TMEM202: variants seen among roughly 807,000 people sequenced by gnomAD.
TMEM202 encodes the protein transmembrane protein 202.
Under a neutral mutation model 26.1 loss-of-function variants are expected in TMEM202, and 25 were observed. The ratio of observed to expected loss-of-function variants is 0.96; its 90% CI spans 0.70 to 1.34. The LOEUF (loss-of-function observed/expected upper bound fraction) is 1.34, where lower values mean the gene tolerates loss of function less well. TMEM202 is among the 40% of genes most tolerant of loss of function. The pLI, the probability that TMEM202 is intolerant of heterozygous loss-of-function variation, is 0.00. For missense variants in TMEM202, 301 were observed against 327.7 expected (o/e 0.92, Z 0.63); for synonymous variants, 122 against 119.0 (o/e 1.02, Z -0.16).
chr15:72,399,408 CAGGACTATAGGTGTA>C (rs2063537565), intron 2 of TMEM202, among the ~76,000 whole-genome samples: 1 of 152,118 alleles, frequency 6.6e-6, no homozygotes, highest in Non-Finnish European at 1.5e-5. Flanking sequence ...CCCAAAGTAC[CAGGACTATAGGTGTA>C]AGCCACCATG....
intron 2 of TMEM202, among the ~76,000 whole-genome samples, chr15:72,403,041 C>A (rs1031640325): frequency 1.4e-4 from 22 of 152,180 alleles, no homozygotes; most frequent in Admixed American, 4.6e-4. Flanking sequence ...GATTCCCCAG[C>A]TTGTCTCCAG....
chr15:72,407,586 T>C, intron 4 of TMEM202, 105 bp from the exon 5 acceptor site: 1 of 1,011,612 alleles, frequency 9.9e-7, no homozygotes, highest in Non-Finnish European at 1.5e-6. Flanking sequence ...AGGGGTTCAC[T>C]GAAAAGATGC....
Position 72,398,358 on chromosome 15 carries a change from T to C in TMEM202, c.32T>C (p.Phe11Ser), listed in dbSNP as rs770835115. ...CGAAGGGAACATTTAACCTTGACTTTCCACAGTCCTGAGGTTCCCAAAATA... is the reference window on the plus strand; with the variant it reads ...CGAAGGGAACATTTAACCTTGACTTCCCACAGTCCTGAGGTTCCCAAAATA... MERREHLTLT[F>S]HSPEVPKIKG... is the part of the protein sequence containing the mutation. Residue 11 changes from phenylalanine (F) to serine (S), a missense_variant, in exon 1 of 5, where the codon TTC becomes TCC. Phe to Ser is a radical substitution (Grantham distance 155). Transcript: ENST00000341689. 6.2e-6 allele frequency: 10 copies of C among 1,613,342 alleles called. No individual in the cohort carries two copies. In the Admixed American group the frequency reaches 1.0e-4, roughly 16 times the overall value.
chr15:72,403,143 G>A (rs2063555593), intron 2 of TMEM202, among the ~76,000 whole-genome samples: 1 of 152,144 alleles, frequency 6.6e-6, no homozygotes, highest in Admixed American at 6.6e-5. Flanking sequence ...GCCAAATGGT[G>A]AACGTTCTCA....
chr15:72,398,808 G>T lies in TMEM202; in HGVS notation c.237G>T (p.Trp79Cys). ...LMLIAMSPLNWVQFLVIKNGL... is the reference protein window; with the variant it reads ...LMLIAMSPLNCVQFLVIKNGL... ...TGATCGCCATGTCCCCACTGAACTG[G>T]GTACAGTTTCTGGTGATCAAGAATG... Residue 79 changes from tryptophan to cysteine, a missense_variant, in exon 2 of 5, where the codon TGG becomes TGT. Trp to Cys is a radical substitution (Grantham distance 215, BLOSUM62 -2). Transcript: ENST00000341689. 7 of 1,614,100 alleles carry T rather than the reference G, an allele frequency of 4.3e-6. No individual in the cohort carries two copies. Among genetic ancestry groups the T allele is most frequent in the Non-Finnish European group, 5.9e-6 (7 of 1,180,034 alleles).
chr15:72,399,592 G>T (rs2063538440), intron 2 of TMEM202, among the ~76,000 whole-genome samples: 1 of 152,192 alleles, frequency 6.6e-6, no homozygotes, highest in South Asian at 2.1e-4. Flanking sequence ...AGGTCAGCTT[G>T]TTCTTCTCCT....
intron 2 of TMEM202, among the ~76,000 whole-genome samples, chr15:72,404,526 A>G (rs1217425343): frequency 6.6e-6 from 1 of 152,112 alleles, no homozygotes; most frequent in Non-Finnish European, 1.5e-5. Context: ...ATCTCAGATA[A>G]AGAAAATCAA....
In TMEM202 at chr15:72,398,747, T is replaced by C; in HGVS notation, c.176T>C (p.Leu59Pro). 1 of 1,614,150 alleles carries C rather than the reference T, an allele frequency of 6.2e-7. No homozygotes were observed. The highest frequency in any genetic ancestry group is 1.1e-5 in the South Asian group (1 of 91,080). ...CAGGCACACATCTACATCCGAACGCTCTGTGGCAGCCTCTGTAGTTTTAGC... is the reference window on the plus strand; with the variant it reads ...CAGGCACACATCTACATCCGAACGCCCTGTGGCAGCCTCTGTAGTTTTAGC... ...MDQAHIYIRTLCGSLCSFSLL... is the reference protein window; with the variant it reads ...MDQAHIYIRTPCGSLCSFSLL... Residue 59 changes from leucine (L) to proline (P), a missense_variant, in exon 2 of 5, where the codon CTC (leucine) becomes CCC (proline). Coordinates refer to ENST00000341689, the MANE Select transcript of TMEM202 (RefSeq NM_001080462.3).
chr15:72,407,102 C>T lies in TMEM202; in HGVS notation c.504C>T (p.Leu168=). ...LSFISATCLL[L]CLNLFVAQVH... ...TGGTCCTAGCTACCTGCTTGCTCCT[C>T]TGCCTCAACCTGTTTGTGGCACAGG... The change falls in exon 4 of 5, where the codon CTC becomes CTT. Residue 168 remains leucine (L), a synonymous_variant. Transcript: ENST00000341689. 1.2e-6 allele frequency: 2 copies of T among 1,612,416 alleles called. No homozygotes were observed. The highest frequency in any genetic ancestry group is 1.7e-6 in the Non-Finnish European group (2 of 1,179,748).
Position 72,398,864 on chromosome 15 carries a change from T to C in TMEM202, c.293T>C (p.Leu98Ser). Residue 98 changes from leucine to serine, a missense_variant, in exon 2 of 5, where the codon TTA (leucine) becomes TCA (serine). Transcript: ENST00000341689. ...GLELYAGLWT[L>S]CNHELCWSHT... Reference sequence around the variant, plus strand: ...GAGCTCTACGCAGGACTCTGGACCTTATGCAACCATGAGCTGTGCTGGAGC... The same window carrying C: ...GAGCTCTACGCAGGACTCTGGACCTCATGCAACCATGAGCTGTGCTGGAGC... 1 of 1,613,686 alleles carries C rather than the reference T, an allele frequency of 6.2e-7. No individual in the cohort carries two copies. Among genetic ancestry groups the C allele is most frequent in the African/African-American group, 1.3e-5 (1 of 75,032 alleles).
At chr15:72,407,489 G>C (rs200724596) in intron 4 of TMEM202, among the ~76,000 whole-genome samples, 1 of 152,140 alleles carries the variant, frequency 6.6e-6, no homozygotes, top group Non-Finnish European at 1.5e-5. Flanking sequence ...CTGAATCCAG[G>C]AGGTTCAAGC....
At chr15:72,404,387 C>G (rs994620959) in intron 2 of TMEM202, among the ~76,000 whole-genome samples, 1 of 151,868 alleles carries the variant, frequency 6.6e-6, no homozygotes, top group Admixed American at 6.6e-5. Flanking sequence ...TGCACTCCAG[C>G]CTGGGTTACA....
At position 72,398,621 on chromosome 15, in the gene TMEM202, T is replaced by C. The variant is rs764307663; in HGVS notation, c.82-32T>C. ...ACCCTGGGGATCAGGGGTTATTCTTTCGGGTAGGCAATATTTCCCTCATCC... is the reference window on the plus strand; with the variant it reads ...ACCCTGGGGATCAGGGGTTATTCTTCCGGGTAGGCAATATTTCCCTCATCC... On this transcript the variant is annotated intron_variant, in intron 1 of 4. Transcript: ENST00000341689. The C allele has an allele frequency of 9.3e-5, 150 of 1,609,718 alleles. No homozygotes were observed. The Admixed American group carries it at 1.1e-3, about 12-fold the overall frequency.
At chr15:72,405,725 C>T (rs917160589) in intron 2 of TMEM202, among the ~76,000 whole-genome samples, 8 of 152,130 alleles carry the variant, frequency 5.3e-5, no homozygotes, top group African/African-American at 1.2e-4. Flanking sequence ...AGGTGGCTCA[C>T]GCCTTTAATC....
intron 2 of TMEM202, among the ~76,000 whole-genome samples, chr15:72,405,806 GGTGAAACCCT>G (rs2063568161): frequency 6.6e-6 from 1 of 152,086 alleles, no homozygotes; most frequent in Non-Finnish European, 1.5e-5. Flanking sequence ...TGGCCAACAT[GGTGAAACCCT>G]GTTTCTACTA....
intron 2 of TMEM202, among the ~76,000 whole-genome samples, chr15:72,402,356 G>T (rs1290624114): frequency 6.6e-6 from 1 of 152,172 alleles, no homozygotes; most frequent in Non-Finnish European, 1.5e-5. Flanking sequence ...TCCCCTCCCT[G>T]ACAGTTTCCT....
intron 2 of TMEM202, among the ~76,000 whole-genome samples, chr15:72,403,951 G>A (rs892014791): frequency 3.9e-5 from 6 of 152,182 alleles, no homozygotes; most frequent in Non-Finnish European, 8.8e-5. Flanking sequence ...AGAGAGAATT[G>A]TAAGAAATAT....
At chr15:72,407,624 T>C (rs1015558688) in intron 4 of TMEM202, 67 bp from the exon 5 acceptor site, 2 of 1,459,220 alleles carry the variant, frequency 1.4e-6, no homozygotes, top group Non-Finnish European at 1.9e-6. Flanking sequence ...AAAGGATGCA[T>C]AAGAATTTTA....
chr15:72,407,550 G>C, intron 4 of TMEM202, 141 bp from the exon 5 acceptor site: 1 of 722,362 alleles, frequency 1.4e-6, no homozygotes. Context: ...AGCACAGGAG[G>C]GTAAAGTAAC....
Sources: allele counts gnomAD v4.1 joint callset (sites outside exome capture counted in the v4.1 genomes callset), GRCh38; gene constraint gnomAD v4.1.1; transcripts MANE v1.5; gene names NCBI Gene and HGNC (gene_info 2026-07-23, HGNC 2026-07-21).